Variants in PTPRK observed in about 807,000 individuals in gnomAD.
The protein encoded by PTPRK is protein tyrosine phosphatase receptor type K.
In PTPRK, 75 loss-of-function variants were observed where a neutral mutation model predicts 178.0. The observed-to-expected ratio is 0.42, with a 90% CI of 0.35 to 0.51. The LOEUF (loss-of-function observed/expected upper bound fraction) is 0.51, where lower values mean the gene tolerates loss of function less well. Among genes scored for constraint, PTPRK ranks in the 20% least tolerant of loss-of-function variants. The pLI is 0.02. For missense variants in PTPRK, 1,441 were observed against 1,797.8 expected (o/e 0.80, Z 3.59); for synonymous variants, 637 against 620.6 (o/e 1.03, Z -0.39).
intron 11 of PTPRK, among the ~76,000 whole-genome samples, chr6:128,068,805 G>A (rs983346097): frequency 6.6e-6 from 1 of 151,650 alleles, no homozygotes; most frequent in African/African-American, 2.4e-5. Context: ...AAAAATATAT[G>A]TGGTATCTTA....
chr6:128,202,722 A>C (rs1284032413), intron 6 of PTPRK, among the ~76,000 whole-genome samples: 1 of 152,174 alleles, frequency 6.6e-6, no homozygotes, highest in Non-Finnish European at 1.5e-5. Context: ...GAATCCCTGG[A>C]TAGACCAATG....
chr6:128,476,383 T>G (rs1562599905), intron 1 of PTPRK, among the ~76,000 whole-genome samples: 1 of 152,098 alleles, frequency 6.6e-6, no homozygotes, highest in Non-Finnish European at 1.5e-5. Context: ...TACTTTTATT[T>G]GTTGTTGGTT....
chr6:128,189,909 T>A (rs1803466415), intron 6 of PTPRK, among the ~76,000 whole-genome samples: 1 of 152,138 alleles, frequency 6.6e-6, no homozygotes, highest in Admixed American at 6.5e-5. Context: ...AATTCAGGCA[T>A]TTATCAGCTA....
chr6:128,460,782 A>G (rs1848959877), intron 1 of PTPRK, among the ~76,000 whole-genome samples: 2 of 152,228 alleles, frequency 1.3e-5, no homozygotes, highest in Admixed American at 1.3e-4. Flanking sequence ...TTAAGACATT[A>G]AACTTCTGTA....
chr6:128,435,105 G>GC (rs1269002471), intron 1 of PTPRK, among the ~76,000 whole-genome samples: 3 of 75,424 alleles, frequency 4.0e-5, no homozygotes, highest in Admixed American at 2.1e-4. Flanking sequence ...AGGAAGGAAG[G>GC]AAGGCAGGAA....
At chr6:128,357,974 A>G (rs942910761) in intron 2 of PTPRK, among the ~76,000 whole-genome samples, 2 of 152,216 alleles carry the variant, frequency 1.3e-5, no homozygotes, top group Admixed American at 6.5e-5. Flanking sequence ...GCAAATTTCC[A>G]TGAAAAACAT....
At chr6:128,188,990 A>G (rs1345982973) in intron 6 of PTPRK, among the ~76,000 whole-genome samples, 1 of 152,074 alleles carries the variant, frequency 6.6e-6, no homozygotes, top group Non-Finnish European at 1.5e-5. Flanking sequence ...TCATTTTTCC[A>G]TATAAGGAAC....
Position 128,204,332 on chromosome 6 carries a change from C to A in PTPRK, c.868+14590G>T, listed in dbSNP as rs1036442981. On this transcript the variant is annotated intron_variant, in intron 6 of 29. Coordinates refer to ENST00000368226, the MANE Select transcript of PTPRK (RefSeq NM_002844.4). Reference sequence around the variant, plus strand: ...AACTATAAAAAGCCTAGAAGGAAATCTAGGCAATACCATTCAGGACATAGG... The same window carrying A: ...AACTATAAAAAGCCTAGAAGGAAATATAGGCAATACCATTCAGGACATAGG... Among the ~76,000 whole-genome samples, 7 of 152,224 alleles carry A rather than the reference C, an allele frequency of 4.6e-5. No homozygotes were observed. The South Asian group carries it at 1.5e-3, about 32-fold the overall frequency.
intron 16 of PTPRK, among the ~76,000 whole-genome samples, chr6:127,998,207 G>T (rs2024557): frequency 0.58 from 88,672 of 151,746 alleles, 25,853 homozygotes; most frequent in Middle Eastern, 0.65. Flanking sequence ...TAGATTTGCA[G>T]TGCTCTATTT....
chr6:128,200,575 T>C (rs549272350), intron 6 of PTPRK, among the ~76,000 whole-genome samples: 49 of 151,476 alleles, frequency 3.2e-4, no homozygotes, highest in Middle Eastern at 3.4e-3. Context: ...AATATAAAGA[T>C]AAAATTAAAA....
At chr6:128,402,680 G>A (rs768104888) in intron 1 of PTPRK, among the ~76,000 whole-genome samples, 18 of 152,110 alleles carry the variant, frequency 1.2e-4, no homozygotes, top group Non-Finnish European at 1.8e-4. Flanking sequence ...CTGGCATACC[G>A]TGATAAATAT....
chr6:128,458,601 G>GCA (rs1387190735), intron 1 of PTPRK, among the ~76,000 whole-genome samples: 3 of 152,194 alleles, frequency 2.0e-5, no homozygotes, highest in South Asian at 4.1e-4. Flanking sequence ...GCACACACTT[G>GCA]CACACACACA....
intron 13 of PTPRK, among the ~76,000 whole-genome samples, chr6:128,011,152 G>A (rs746437363): frequency 2.0e-5 from 3 of 151,170 alleles, no homozygotes; most frequent in Non-Finnish European, 3.0e-5. Flanking sequence ...AATTACATTG[G>A]TTTGCCACAG....
At chr6:128,185,128 T>C (rs1035400238) in intron 6 of PTPRK, among the ~76,000 whole-genome samples, 6 of 152,180 alleles carry the variant, frequency 3.9e-5, no homozygotes, top group Non-Finnish European at 8.8e-5. Flanking sequence ...TCCTTGTTAC[T>C]TCTTCACAGT....
intron 2 of PTPRK, among the ~76,000 whole-genome samples, chr6:128,331,483 A>G (rs889237393): frequency 2.0e-5 from 3 of 151,854 alleles, no homozygotes; most frequent in Non-Finnish European, 2.9e-5. Flanking sequence ...GTCAAAGAGA[A>G]AAAAAAAGAG....
intron 7 of PTPRK, among the ~76,000 whole-genome samples, chr6:128,093,030 G>A (rs2115032555): frequency 6.6e-6 from 1 of 152,226 alleles, no homozygotes; most frequent in East Asian, 1.9e-4. Flanking sequence ...AGGTATGATA[G>A]TAAATCGTAT....
intron 3 of PTPRK, among the ~76,000 whole-genome samples, chr6:128,244,552 A>T (rs1056158062): frequency 3.9e-5 from 6 of 152,238 alleles, no homozygotes; most frequent in African/African-American, 1.2e-4. Flanking sequence ...CAGGCATATT[A>T]CAATAACAAT....
chr6:128,155,465 C>T (rs1206085511), intron 7 of PTPRK, among the ~76,000 whole-genome samples: 2 of 151,492 alleles, frequency 1.3e-5, no homozygotes, highest in African/African-American at 2.4e-5. Context: ...TTAGGAAAGG[C>T]GTGTTAAATA....
intron 6 of PTPRK, among the ~76,000 whole-genome samples, chr6:128,214,082 T>C (rs1364043025): frequency 6.6e-6 from 1 of 152,144 alleles, no homozygotes; most frequent in African/African-American, 2.4e-5. Flanking sequence ...GTACTGAATT[T>C]CTTCATGTAA....
Sources: gnomAD v4.1 joint callset for allele counts (sites outside exome capture counted in the v4.1 genomes callset) on GRCh38, gnomAD v4.1.1 for gene constraint, MANE v1.5 for transcripts, NCBI Gene and HGNC (gene_info 2026-07-23, HGNC 2026-07-21) for gene names.